OXR1: variants seen among roughly 807,000 people sequenced by gnomAD.
The protein encoded by OXR1 is oxidation resistance protein 1.
In OXR1, 41 loss-of-function variants were observed where a neutral mutation model predicts 104.6. The observed-to-expected ratio is 0.39, with a 90% CI of 0.31 to 0.51. The LOEUF is 0.51. Ranked by LOEUF, OXR1 falls within the 20% of genes least tolerant of loss-of-function variation. OXR1 has a pLI of 0.77. For synonymous variants in OXR1, 348 were observed against 348.4 expected (o/e 1.00, Z 0.01); for missense variants, 955 against 1,031.9 (o/e 0.93, Z 1.02).
In OXR1 at chr8:106,526,617, G is replaced by A. The variant is rs370839996; in HGVS notation, c.220+7478G>A. Among the ~76,000 whole-genome samples, 748 of 152,210 alleles carry A rather than the reference G, an allele frequency of 4.9e-3. 4 individuals are homozygous for A. The highest frequency in any genetic ancestry group is 0.01 in the South Asian group (49 of 4,824). Reference sequence around the variant, plus strand: ...GAGTGCAGTGGCGCAATCTCGGCTCGCTGCAAGCTCCGCCTCCCGGGTTCA... The same window carrying A: ...GAGTGCAGTGGCGCAATCTCGGCTCACTGCAAGCTCCGCCTCCCGGGTTCA... On this transcript the variant is annotated intron_variant, in intron 3 of 16. Coordinates refer to ENST00000517566, the MANE Select transcript of OXR1 (RefSeq NM_001198533.2).
chr8:106,408,697 G>A (rs989595786), intron 2 of OXR1, among the ~76,000 whole-genome samples: 2 of 152,164 alleles, frequency 1.3e-5, no homozygotes, highest in African/African-American at 2.4e-5. Context: ...CAAGATGCAC[G>A]TGGGTGTAAT....
chr8:106,438,147 G>A (rs1185955154), intron 2 of OXR1, among the ~76,000 whole-genome samples: 2 of 134,750 alleles, frequency 1.5e-5, no homozygotes, highest in Non-Finnish European at 3.3e-5. Context: ...ATCTCTTTGT[G>A]TCCATGGGTA....
intron 7 of OXR1, chr8:106,697,482 C>T: frequency 6.2e-7 from 1 of 1,604,974 alleles, no homozygotes; most frequent in Non-Finnish European, 8.5e-7. Flanking sequence ...TGCCCCCCAT[C>T]TGTAGCCCGA....
chr8:106,649,137 C>T (rs970641913), intron 3 of OXR1, among the ~76,000 whole-genome samples: 1 of 152,088 alleles, frequency 6.6e-6, no homozygotes. Context: ...CCCAGGAGGT[C>T]GAGGATGCAG....
intron 2 of OXR1, among the ~76,000 whole-genome samples, chr8:106,456,164 G>C (rs1371047827): frequency 1.3e-5 from 2 of 152,160 alleles, no homozygotes; most frequent in African/African-American, 4.8e-5. Flanking sequence ...CTGAGTCACT[G>C]CAAGCACTCA....
chr8:106,710,291 A>G (rs916706248), intron 9 of OXR1, among the ~76,000 whole-genome samples: 3 of 149,410 alleles, frequency 2.0e-5, no homozygotes, highest in Admixed American at 1.3e-4. Context: ...AGAAAATTAT[A>G]TATATATTAT....
At chr8:106,667,182 CT>C (rs1826426505) in intron 3 of OXR1, among the ~76,000 whole-genome samples, 1 of 152,124 alleles carries the variant, frequency 6.6e-6, no homozygotes, top group South Asian at 2.1e-4. Context: ...ATGCCAAGAT[CT>C]GATTATAATC....
chr8:106,672,476 G>T (rs999036915), intron 3 of OXR1, among the ~76,000 whole-genome samples: 26 of 150,216 alleles, frequency 1.7e-4, no homozygotes, highest in Admixed American at 4.7e-4. Context: ...AACAAAGTGA[G>T]ACTCCATCAA....
chr8:106,614,964 TTA>T (rs925567884), intron 3 of OXR1, among the ~76,000 whole-genome samples: 1 of 152,168 alleles, frequency 6.6e-6, no homozygotes, highest in African/African-American at 2.4e-5. Context: ...CCACATGTAT[TTA>T]TGTTTTGTTT....
intron 3 of OXR1, among the ~76,000 whole-genome samples, chr8:106,673,923 G>A (rs189302064): frequency 3.3e-5 from 5 of 152,354 alleles, no homozygotes; most frequent in Admixed American, 2.0e-4. Flanking sequence ...GAGGATGTAT[G>A]CAAACACCTG....
intron 1 of OXR1, among the ~76,000 whole-genome samples, chr8:106,325,038 G>T (rs911691663): frequency 2.0e-5 from 3 of 151,992 alleles, no homozygotes; most frequent in African/African-American, 7.3e-5. Context: ...AATTTTGTAG[G>T]TTAAAAAAAA....
At chr8:106,386,151 C>T (rs547183286) in intron 2 of OXR1, among the ~76,000 whole-genome samples, 11 of 152,212 alleles carry the variant, frequency 7.2e-5, no homozygotes, top group African/African-American at 2.6e-4. Context: ...TCTACTATCC[C>T]GTAATAAAAT....
At chr8:106,406,602 C>G (rs1818246243) in intron 2 of OXR1, among the ~76,000 whole-genome samples, 1 of 152,078 alleles carries the variant, frequency 6.6e-6, no homozygotes. Flanking sequence ...TCCAAAAAGG[C>G]TACATACTGT....
In OXR1 at chr8:106,531,046, T is replaced by C. The variant is rs1421658542; in HGVS notation, c.220+11907T>C. On this transcript the variant is annotated intron_variant, in intron 3 of 16. Transcript: ENST00000517566. ...AATAAAGTGAAATTCCTCCAAAATA[T>C]TACATGAAAAAGTTTAGTTAATTTA... Among the ~76,000 whole-genome samples the C allele has an allele frequency of 2.6e-5, 4 of 152,284 alleles. No homozygotes were observed. In the East Asian group the frequency reaches 7.7e-4, roughly 29 times the overall value.
In OXR1 at chr8:106,371,988, G is replaced by A. The variant is rs536290102; in HGVS notation, c.23+12352G>A. On this transcript the variant is annotated intron_variant, in intron 2 of 16. Transcript: ENST00000517566. The stretch of plus-strand genomic sequence containing the variant: ...GCAGTTGCGAGTCCCAGTGCTGACT[G>A]CTGCCTCTCCCACAAGGAGCTCAAA... Among the ~76,000 whole-genome samples, 199 of 152,344 alleles carry A rather than the reference G, an allele frequency of 1.3e-3. 7 individuals carry two copies. The South Asian group carries it at 0.041, about 31-fold the overall frequency.
intron 3 of OXR1, among the ~76,000 whole-genome samples, chr8:106,614,485 A>C (rs1342404260): frequency 6.6e-6 from 1 of 152,346 alleles, no homozygotes; most frequent in African/African-American, 2.4e-5. Flanking sequence ...AGCATTTTTG[A>C]CTGCCGTAAA....
At position 106,276,708 on chromosome 8, in the gene OXR1, T is replaced by G. The variant is rs534352095; in HGVS notation, c.-139+6341T>G. Among the ~76,000 whole-genome samples the G allele has an allele frequency of 9.3e-5, 14 of 150,466 alleles. 1 individual carries two copies. In the South Asian group the frequency reaches 2.7e-3, roughly 29 times the overall value. On this transcript the variant is annotated intron_variant, in intron 1 of 16. Transcript: ENST00000517566. ...TTTAAAAATGCTCAAGAACCGATATTTAGCTCAAGAGCTTCTCCTTTCAGC... is the reference window on the plus strand; with the variant it reads ...TTTAAAAATGCTCAAGAACCGATATGTAGCTCAAGAGCTTCTCCTTTCAGC...
intron 16 of OXR1, among the ~76,000 whole-genome samples, chr8:106,746,390 T>C (rs1242033825): frequency 1.6e-5 from 1 of 63,346 alleles, no homozygotes; most frequent in African/African-American, 6.9e-5. Flanking sequence ...AGCTTTGTTT[T>C]TTATTTGGTA....
rs1423557946 is a variant in OXR1, at chr8:106,294,064, G to A, written c.-139+23697G>A. ...AATTACTTTGTGTTTATGAAGTAGG[G>A]TCACAGGGTATATTAGGCCAATCTT... On this transcript the variant is annotated intron_variant, in intron 1 of 16. Transcript: ENST00000517566. Among the ~76,000 whole-genome samples, 3 of 149,118 alleles carry A rather than the reference G, an allele frequency of 2.0e-5. No individual in the cohort carries two copies. In the Admixed American group the frequency reaches 2.0e-4, roughly 10 times the overall value.
Sources: allele counts gnomAD v4.1 joint callset (sites outside exome capture counted in the v4.1 genomes callset), GRCh38; gene constraint gnomAD v4.1.1; transcripts MANE v1.5; gene names NCBI Gene and HGNC (gene_info 2026-07-23, HGNC 2026-07-21).